The following LAPTM5 variants were observed in gnomAD, a reference collection of about 807,000 sequenced individuals.
The protein encoded by LAPTM5 is lysosomal-associated transmembrane protein 5.
Under a neutral mutation model 30.1 loss-of-function variants are expected in LAPTM5, and 11 were observed. The observed-to-expected ratio is 0.37, with a 90% CI of 0.23 to 0.60. The LOEUF is 0.60. Ranked by LOEUF, LAPTM5 falls within the 20% of genes least tolerant of loss-of-function variation. LAPTM5 has a pLI of 0.71. For missense variants in LAPTM5, 324 were observed against 332.5 expected (o/e 0.97, Z 0.20); for synonymous variants, 151 against 137.9 (o/e 1.10, Z -0.67).
chr1:30,737,886 C>T (rs549692090), intron 5 of LAPTM5, among the ~76,000 whole-genome samples, 187 bp from the exon 6 acceptor site: 5 of 152,312 alleles, frequency 3.3e-5, no homozygotes, highest in East Asian at 1.9e-4. Flanking sequence ...ATCCCACTGA[C>T]GGGCAAACCA....
chr1:30,756,721 C>A (rs1640215815), intron 1 of LAPTM5, among the ~76,000 whole-genome samples: 2 of 152,218 alleles, frequency 1.3e-5, no homozygotes, highest in Non-Finnish European at 2.9e-5. Context: ...CAGCAACCCA[C>A]CGCAGCATGT....
intron 6 of LAPTM5, among the ~76,000 whole-genome samples, chr1:30,736,506 C>T (rs567135176): frequency 1.2e-4 from 18 of 152,134 alleles, no homozygotes; most frequent in Admixed American, 3.3e-4. Context: ...TGATTATGGC[C>T]CACTGCAGCC....
intron 1 of LAPTM5, among the ~76,000 whole-genome samples, chr1:30,753,177 G>A (rs562987539): frequency 6.6e-6 from 1 of 151,970 alleles, no homozygotes; most frequent in East Asian, 1.9e-4. Context: ...AAAGATCCCT[G>A]GGTCCCTGTA....
chr1:30,739,584 T>C lies in LAPTM5; in HGVS notation c.387+225A>G, dbSNP rs1639938565. 6.6e-6 allele frequency among the ~76,000 whole-genome samples: 1 copy of C among 152,220 alleles called. No individual in the cohort carries two copies. Among genetic ancestry groups the C allele is most frequent in the Non-Finnish European group, 1.5e-5 (1 of 68,026 alleles). On this transcript the variant is annotated intron_variant, in intron 4 of 7. Coordinates refer to ENST00000294507, the MANE Select transcript of LAPTM5 (RefSeq NM_006762.3). The surrounding 1 kb of genome is among the most constrained non-coding windows in gnomAD (Gnocchi z 4.2). Reference sequence around the variant, plus strand: ...ACCCCCAATGTGTGTGTTCCTCATGTAACCCTCATAAGGCAGGCTGATGAG... The same window carrying C: ...ACCCCCAATGTGTGTGTTCCTCATGCAACCCTCATAAGGCAGGCTGATGAG...
chr1:30,741,938 G>A lies in LAPTM5; in HGVS notation c.182-222C>T, dbSNP rs1569860479. 8 of 423,122 alleles carry A rather than the reference G, an allele frequency of 1.9e-5. No individual in the cohort carries two copies. The South Asian group carries it at 2.0e-4, about 10-fold the overall frequency. The allele number at this position is 423,122 out of a possible 1,614,324, so 26.2% of individuals were successfully genotyped here. On this transcript the variant is annotated intron_variant, in intron 2 of 7. Coordinates refer to ENST00000294507, the MANE Select transcript of LAPTM5 (RefSeq NM_006762.3). ...TGCGACAGAGGGTGCTGGGCTGGAGGTGCAGGCTGGGGTCCACTTCAGCCA... is the reference window on the plus strand; with the variant it reads ...TGCGACAGAGGGTGCTGGGCTGGAGATGCAGGCTGGGGTCCACTTCAGCCA...
At chr1:30,737,819 C>T (rs780226089) in intron 5 of LAPTM5, 120 bp from the exon 6 acceptor site, 10 of 649,690 alleles carry the variant, frequency 1.5e-5, no homozygotes, top group East Asian at 3.1e-5. Flanking sequence ...GTGGCACAGC[C>T]GTCACCTTGG....
At chr1:30,736,684 A>G (rs1209201624) in intron 6 of LAPTM5, among the ~76,000 whole-genome samples, 1 of 151,772 alleles carries the variant, frequency 6.6e-6, no homozygotes, top group Admixed American at 6.6e-5. Context: ...AATCCTCCCA[A>G]TTCAGCCTCC....
chr1:30,734,049 G>T, intron 7 of LAPTM5, 132 bp from the exon 8 acceptor site: 1 of 996,356 alleles, frequency 1.0e-6, no homozygotes, highest in Non-Finnish European at 1.5e-6. Context: ...TTGGATATTT[G>T]CTATGTGCTA....
intron 2 of LAPTM5, 42 bp from the exon 3 acceptor site, chr1:30,741,758 TG>T (rs1212306582): frequency 1.4e-6 from 2 of 1,474,396 alleles, no homozygotes; most frequent in African/African-American, 1.7e-5. Context: ...GGGGTGCCCC[TG>T]GGACCCCAGC....
intron 1 of LAPTM5, among the ~76,000 whole-genome samples, chr1:30,747,102 G>T (rs992859490): frequency 3.3e-5 from 5 of 152,212 alleles, no homozygotes; most frequent in African/African-American, 1.2e-4. Context: ...CTTGATGAGG[G>T]AGAGCGCATT....
At chr1:30,742,408 TC>T (rs749427424) in intron 2 of LAPTM5, 47 bp downstream of exon 2, 1 of 1,398,204 alleles carries the variant, frequency 7.2e-7, no homozygotes, top group Non-Finnish European at 1.0e-6. Flanking sequence ...GCCAGGGCCC[TC>T]CCTGTCCTCC....
At chr1:30,747,607 A>G (rs1302573142) in intron 1 of LAPTM5, among the ~76,000 whole-genome samples, 5 of 152,176 alleles carry the variant, frequency 3.3e-5, no homozygotes, top group Non-Finnish European at 7.3e-5. Context: ...CAGTTGGGGA[A>G]GTGGCCAGGG....
At position 30,736,827 on chromosome 1, in the gene LAPTM5, A is replaced by G. The variant is rs553401870; in HGVS notation, c.606+777T>C. Among the ~76,000 whole-genome samples, 5 of 152,210 alleles carry G rather than the reference A, an allele frequency of 3.3e-5. No individual in the cohort carries two copies. The South Asian group carries it at 1.0e-3, about 32-fold the overall frequency. ...AAAAGCCCTTCCTTCTGTGGTCATC[A>G]GCATCCCTGTGGCTTCAGGCCACAG... On this transcript the variant is annotated intron_variant, in intron 6 of 7. Transcript: ENST00000294507.
At chr1:30,748,092 C>T (rs181689840) in intron 1 of LAPTM5, among the ~76,000 whole-genome samples, 1 of 152,178 alleles carries the variant, frequency 6.6e-6, no homozygotes, top group Non-Finnish European at 1.5e-5. Context: ...CAGGACCCAC[C>T]GTCTCAGAAG....
intron 7 of LAPTM5, 105 bp downstream of exon 7, chr1:30,735,068 C>T: frequency 2.6e-6 from 2 of 771,168 alleles, no homozygotes; most frequent in East Asian, 2.4e-5. Flanking sequence ...TTCCAACCCT[C>T]ATCTTACAAA....
chr1:30,733,493 G>A lies in LAPTM5; in HGVS notation c.*335C>T. On this transcript the variant is annotated 3_prime_UTR_variant, in exon 8 of 8. Transcript: ENST00000294507. ...GGGTTTTTGATTTGTCAGTTGCTTG[G>A]CTGAACTGATCAAGTCGATAGTTGC... 7.2e-7 allele frequency: 1 copy of A among 1,385,648 alleles called. No individual in the cohort carries two copies. Among genetic ancestry groups the A allele is most frequent in the South Asian group, 1.2e-5 (1 of 81,426 alleles). The allele number at this position is 1,385,648 out of a possible 1,614,324, so 85.8% of individuals were successfully genotyped here. A position where few individuals can be genotyped will look rare whatever the true frequency, so the allele number is the denominator to read the frequency against.
intron 1 of LAPTM5, among the ~76,000 whole-genome samples, chr1:30,753,484 G>A (rs1640165886): frequency 6.6e-6 from 1 of 152,182 alleles, no homozygotes; most frequent in South Asian, 2.1e-4. Context: ...TTCTGAGACT[G>A]GCACATCATC....
intron 7 of LAPTM5, among the ~76,000 whole-genome samples, chr1:30,734,841 T>C (rs1639863048): frequency 6.6e-6 from 1 of 152,234 alleles, no homozygotes; most frequent in Non-Finnish European, 1.5e-5. Flanking sequence ...CCTTCCTCTG[T>C]GCTTATTGTC....
At chr1:30,756,691 C>T (rs921213774) in intron 1 of LAPTM5, among the ~76,000 whole-genome samples, 14 of 152,194 alleles carry the variant, frequency 9.2e-5, no homozygotes, top group African/African-American at 3.1e-4. Flanking sequence ...AGGAAGCAGA[C>T]GCAGGCAGGT....
Sources: gnomAD v4.1 joint callset for allele counts (sites outside exome capture counted in the v4.1 genomes callset) on GRCh38, gnomAD v4.1.1 for gene constraint, Gnocchi (gnomAD v3.1) non-coding constraint, MANE v1.5 for transcripts, NCBI Gene and HGNC (gene_info 2026-07-23, HGNC 2026-07-21) for gene names.